AZIN2: variants seen among roughly 807,000 people sequenced by gnomAD.
AZIN2 encodes the protein antizyme inhibitor 2.
A neutral mutation model predicts 47.8 loss-of-function variants in AZIN2; 28 were observed. The observed-to-expected ratio is 0.59, with a 90% confidence interval of 0.43 to 0.80. The LOEUF (loss-of-function observed/expected upper bound fraction) is 0.80. Among genes scored for constraint, AZIN2 ranks in the 30% least tolerant of loss-of-function variants. The pLI, the probability that AZIN2 is intolerant of heterozygous loss-of-function variation, is 0.00. For missense variants in AZIN2, 535 were observed against 582.5 expected (o/e 0.92, Z 0.84); for synonymous variants, 221 against 239.4 (o/e 0.92, Z 0.71).
the AZIN2 span, among the ~76,000 whole-genome samples, chr1:33,131,244 C>G: frequency 1.3e-5 from 2 of 152,220 alleles, no homozygotes; most frequent in East Asian, 3.8e-4. Context: ...TAGCCATTCT[C>G]TCCACAAATG....
At chr1:33,097,797 T>C (rs563094599) in intron 9 of AZIN2, among the ~76,000 whole-genome samples, 1 of 152,282 alleles carries the variant, frequency 6.6e-6, no homozygotes, top group South Asian at 2.1e-4. Flanking sequence ...GCTGCTCTTC[T>C]GCCTTTGCTG....
intron 10 of AZIN2, chr1:33,101,729 A>C: frequency 3.1e-6 from 2 of 643,340 alleles, no homozygotes. Context: ...ATCTAAATCT[A>C]TTCCTCGAGT....
At chr1:33,126,427 G>A (rs988048758), downstream of AZIN2, among the ~76,000 whole-genome samples, 6 of 152,226 alleles carry the variant, frequency 3.9e-5, no homozygotes, top group African/African-American at 1.4e-4. Flanking sequence ...AAGACAGGGA[G>A]TGTTTCTCCT....
intron 5 of AZIN2, among the ~76,000 whole-genome samples, chr1:33,091,703 A>C (rs59234347): frequency 0.027 from 4,043 of 152,298 alleles, 190 homozygotes; most frequent in African/African-American, 0.092. Context: ...CCTTAAGACA[A>C]TTAATTGTTA....
chr1:33,113,100 TC>T lies in AZIN2; in HGVS notation c.1030-4799del. Reference sequence around the variant, plus strand: ...GCGATTCTCTTGGGAGGCCTCAGCCTCCCAAATACCTGGGACTACAGGCGCC... The same window carrying T: ...GCGATTCTCTTGGGAGGCCTCAGCCTCCAAATACCTGGGACTACAGGCGCC... On this transcript the variant is annotated intron_variant, in intron 10 of 11. Transcript: ENST00000294517. This position sits in a 1 kb window ranked among gnomAD's most constrained non-coding sequence, Gnocchi z 4.1. Among the ~76,000 whole-genome samples, 1 of 152,134 alleles carries T rather than the reference TC, an allele frequency of 6.6e-6. No individual in the cohort carries two copies. The highest frequency in any genetic ancestry group is 3.4e-3 in the Middle Eastern group (1 of 294).
At chr1:33,112,997 G>A (rs1296045907) in intron 10 of AZIN2, among the ~76,000 whole-genome samples, 3 of 151,188 alleles carry the variant, frequency 2.0e-5, no homozygotes, top group Non-Finnish European at 2.9e-5. Flanking sequence ...TTTTTGAGAC[G>A]GCGTCTCGCT....
intron 4 of AZIN2, chr1:33,083,017 G>A (rs928858638): frequency 6.5e-6 from 1 of 152,722 alleles, no homozygotes; most frequent in Non-Finnish European, 1.5e-5. Context: ...CCCCTTTCTA[G>A]TCATTCCTTG....
chr1:33,093,099 C>T, intron 6 of AZIN2, 183 bp from the exon 7 acceptor site: 4 of 729,830 alleles, frequency 5.5e-6, no homozygotes, highest in Non-Finnish European at 8.7e-6. Context: ...GGGTCAGGGA[C>T]ATTTAGAGAA....
At chr1:33,108,992 A>C (rs1047639245) in intron 10 of AZIN2, among the ~76,000 whole-genome samples, 2 of 152,232 alleles carry the variant, frequency 1.3e-5, no homozygotes, top group Non-Finnish European at 2.9e-5. Flanking sequence ...CCCACCAGCA[A>C]TGAATGGGAG....
Position 33,082,124 on chromosome 1 carries a change from G to A in AZIN2, c.-72-54G>A, listed in dbSNP as rs978253904. On this transcript the variant is annotated intron_variant, in intron 3 of 11. Transcript: ENST00000294517. ...GGATCCCTGGCCTCGGGAGGCGAGTGGGGCAGCAGAGCCGGCCCCCCAGCG... is the reference window on the plus strand; with the variant it reads ...GGATCCCTGGCCTCGGGAGGCGAGTAGGGCAGCAGAGCCGGCCCCCCAGCG... 17 of 773,620 alleles carry A rather than the reference G, an allele frequency of 2.2e-5. No individual in the cohort carries two copies. The Admixed American group carries it at 2.3e-4, about 10-fold the overall frequency. The allele number at this position is 773,620 out of a possible 1,614,324, so 47.9% of individuals were successfully genotyped here.
chr1:33,096,987 T>C, intron 9 of AZIN2, 118 bp downstream of exon 9: 1 of 1,277,474 alleles, frequency 7.8e-7, no homozygotes, highest in Non-Finnish European at 1.1e-6. Flanking sequence ...GGAGAATGAA[T>C]GGGTTCTTGC....
At chr1:33,129,683 T>G in the AZIN2 span, among the ~76,000 whole-genome samples, 1 of 152,156 alleles carries the variant, frequency 6.6e-6, no homozygotes, top group Non-Finnish European at 1.5e-5. This position sits in a 1 kb window ranked among gnomAD's most constrained non-coding sequence, Gnocchi z 4.1. Context: ...AAAACACATT[T>G]GGTCCACACT....
chr1:33,097,115 T>C (rs1414676973), intron 9 of AZIN2, among the ~76,000 whole-genome samples: 1 of 152,186 alleles, frequency 6.6e-6, no homozygotes, highest in Non-Finnish European at 1.5e-5. Context: ...AGAGAATAGA[T>C]ACTCTGTTGA....
chr1:33,161,959 T>C, the AZIN2 span, among the ~76,000 whole-genome samples: 1 of 152,144 alleles, frequency 6.6e-6, no homozygotes, highest in Non-Finnish European at 1.5e-5. The surrounding 1 kb of genome is among the most constrained non-coding windows in gnomAD (Gnocchi z 4.3). Flanking sequence ...TGAACTGCTT[T>C]AAGGATGGTT....
intron 10 of AZIN2, among the ~76,000 whole-genome samples, chr1:33,103,045 C>T (rs1018353462): frequency 1.3e-5 from 2 of 152,126 alleles, no homozygotes; most frequent in African/African-American, 2.4e-5. Flanking sequence ...CTTCCTCTGT[C>T]GCCACCCTAA....
At chr1:33,163,489 A>T in the AZIN2 span, 1 of 152,230 alleles carries the variant, frequency 6.6e-6, no homozygotes, top group Non-Finnish European at 1.5e-5. Context: ...GCACAGAGAA[A>T]AGTTCTGCTC....
intron 10 of AZIN2, among the ~76,000 whole-genome samples, chr1:33,104,129 C>T (rs549897674): frequency 9.2e-5 from 14 of 152,214 alleles, no homozygotes; most frequent in Admixed American, 3.9e-4. Context: ...GTGATCTGCC[C>T]GCCTCGGCCT....
the AZIN2 span, among the ~76,000 whole-genome samples, chr1:33,151,858 C>T: frequency 8.8e-4 from 134 of 152,230 alleles, no homozygotes; most frequent in African/African-American, 3.1e-3. Context: ...AGAAAGCCCT[C>T]CCGGGGCACA....
chr1:33,157,748 G>GT, the AZIN2 span, among the ~76,000 whole-genome samples: 304 of 145,004 alleles, frequency 2.1e-3, 1 homozygote, highest in South Asian at 0.01. Flanking sequence ...CCTATCTCAT[G>GT]TTTTTTTTTT....
Sources: allele counts gnomAD v4.1 joint callset (sites outside exome capture counted in the v4.1 genomes callset), GRCh38; gene constraint gnomAD v4.1.1; non-coding constraint Gnocchi (gnomAD v3.1); transcripts MANE v1.5; gene names NCBI Gene and HGNC (gene_info 2026-07-23, HGNC 2026-07-21).